The following FBXO36 variants were observed in gnomAD, a reference collection of about 807,000 sequenced individuals.
FBXO36 encodes the protein F-box only protein 36.
Under a neutral mutation model 17.0 loss-of-function variants are expected in FBXO36, and 18 were observed. The observed-to-expected ratio is 1.06, with a 90% CI of 0.73 to 1.57. The LOEUF is 1.57. Among genes scored for constraint, FBXO36 ranks in the 40% most tolerant of loss-of-function variants. The pLI, the probability that FBXO36 is intolerant of heterozygous loss-of-function variation, is 0.00. For synonymous variants in FBXO36, 83 were observed against 85.3 expected, an observed-to-expected ratio of 0.97 and a Z score of 0.15; for missense variants, 229 against 221.9, an observed-to-expected ratio of 1.03 and a Z score of -0.20.
rs149438648 is a variant in FBXO36, at chr2:230,010,743, C to A, written c.426C>A (p.Cys142Ter). The A allele has an allele frequency of 6.2e-7, 1 of 1,613,652 alleles. No individual in the cohort carries two copies. The change falls in exon 4 of 4, where the codon TGC becomes TGA. Residue 142 changes from cysteine (C) to a stop codon, truncating the protein, a stop_gained. Coordinates refer to ENST00000283946, the MANE Select transcript of FBXO36 (RefSeq NM_174899.5). LOFTEE classifies it low-confidence loss of function (END_TRUNC). ...KLWEQIVQST[C>*]DTITPDVRAL... ...GGGAACAGATAGTCCAGTCGACCTG[C>A]GACACCATCACTCCTGACGTGAGGG... is the stretch of plus-strand genomic sequence containing the variant.
At chr2:229,983,610 G>A (rs979680893) in intron 2 of FBXO36, among the ~76,000 whole-genome samples, 10 of 152,082 alleles carry the variant, frequency 6.6e-5, no homozygotes, top group Non-Finnish European at 1.5e-4. Flanking sequence ...CCTGGCCCAG[G>A]TTTGCATTTT....
chr2:229,923,562 T>C (rs2076856659), intron 1 of FBXO36, among the ~76,000 whole-genome samples: 2 of 152,254 alleles, frequency 1.3e-5, no homozygotes, highest in South Asian at 2.1e-4. Flanking sequence ...ACAAAATAGG[T>C]AATGAGTTAA....
chr2:229,984,471 A>AG (rs373481693), intron 2 of FBXO36, among the ~76,000 whole-genome samples: 114,208 of 149,976 alleles, frequency 0.76, 43,746 homozygotes, highest in East Asian at 0.8. Context: ...GCTCACTGCA[A>AG]CGCCGCTCCC....
chr2:229,985,985 T>C (rs569198331), intron 2 of FBXO36, among the ~76,000 whole-genome samples: 1 of 152,220 alleles, frequency 6.6e-6, no homozygotes, highest in Non-Finnish European at 1.5e-5. Flanking sequence ...AGGTCAAAGC[T>C]GTAGCTAGCC....
intron 1 of FBXO36, among the ~76,000 whole-genome samples, chr2:229,943,734 A>T (rs1252898371): frequency 2.6e-5 from 4 of 152,144 alleles, no homozygotes; most frequent in Non-Finnish European, 4.4e-5. Context: ...TCCATTCCTC[A>T]AAACTCCCTG....
At chr2:229,935,082 A>G (rs2076957459) in intron 1 of FBXO36, among the ~76,000 whole-genome samples, 1 of 152,226 alleles carries the variant, frequency 6.6e-6, no homozygotes, top group Non-Finnish European at 1.5e-5. Context: ...TTAACGTCTT[A>G]ACTTGTGCCT....
chr2:229,987,719 C>G (rs2077276269), intron 2 of FBXO36, among the ~76,000 whole-genome samples: 1 of 152,076 alleles, frequency 6.6e-6, no homozygotes, highest in Non-Finnish European at 1.5e-5. Context: ...CAGCCTTAAC[C>G]TCCTGGGCTT....
intron 1 of FBXO36, among the ~76,000 whole-genome samples, chr2:229,936,041 A>G (rs1001815030): frequency 9.9e-5 from 15 of 152,158 alleles, no homozygotes; most frequent in African/African-American, 3.6e-4. Flanking sequence ...TACAAAAATT[A>G]GCTGGGTGTG....
intron 2 of FBXO36, among the ~76,000 whole-genome samples, chr2:229,982,390 C>T (rs891870546): frequency 6.6e-6 from 1 of 152,098 alleles, no homozygotes; most frequent in Non-Finnish European, 1.5e-5. Flanking sequence ...ATCACTCTCA[C>T]CTTGCCTCCG....
At chr2:230,004,582 C>G (rs1017085341) in intron 3 of FBXO36, among the ~76,000 whole-genome samples, 9 of 152,138 alleles carry the variant, frequency 5.9e-5, no homozygotes, top group Non-Finnish European at 1.3e-4. Context: ...CATGTAGAAC[C>G]ATATGTGTGT....
In FBXO36 at chr2:229,998,516, G is replaced by C. The variant is rs1010407292; in HGVS notation, c.378+1593G>C. On this transcript the variant is annotated intron_variant, in intron 3 of 3. Transcript: ENST00000283946. ...ACATGCCTGTAATCCCAGCTACTAG[G>C]GGGGCTGAGGCAGGAGAATCGCTTG... Among the ~76,000 whole-genome samples the C allele has an allele frequency of 5.3e-5, 8 of 152,226 alleles. No homozygotes were observed. In the East Asian group the frequency reaches 1.2e-3, roughly 22 times the overall value.
chr2:230,007,006 A>G (rs1481471342), intron 3 of FBXO36, among the ~76,000 whole-genome samples: 1 of 152,210 alleles, frequency 6.6e-6, no homozygotes, highest in African/African-American at 2.4e-5. Flanking sequence ...TTCTATGTTG[A>G]CCAAGGCCTG....
At chr2:229,981,784 G>C in intron 2 of FBXO36, among the ~76,000 whole-genome samples, 1 of 151,746 alleles carries the variant, frequency 6.6e-6, no homozygotes, top group Admixed American at 6.6e-5. Flanking sequence ...TGTTGTATTA[G>C]TCTGTTCTCA....
intron 1 of FBXO36, among the ~76,000 whole-genome samples, chr2:229,932,573 G>C: frequency 6.6e-6 from 1 of 151,866 alleles, no homozygotes; most frequent in East Asian, 1.9e-4. Flanking sequence ...AGCTACTCAG[G>C]AGGCTGAAGC....
At chr2:230,010,464 C>T (rs1481824412) in intron 3 of FBXO36, among the ~76,000 whole-genome samples, 2 of 152,100 alleles carry the variant, frequency 1.3e-5, no homozygotes, top group Admixed American at 1.3e-4. Context: ...GGAGGATGTT[C>T]TTTCTACTGC....
At chr2:229,944,552 A>G (rs1331228234) in intron 1 of FBXO36, among the ~76,000 whole-genome samples, 5 of 151,882 alleles carry the variant, frequency 3.3e-5, no homozygotes, top group South Asian at 2.1e-4. Context: ...TAAATTTTCA[A>G]TAGTTAGTGG....
At chr2:229,993,245 T>C (rs2106207739) in intron 2 of FBXO36, among the ~76,000 whole-genome samples, 1 of 152,332 alleles carries the variant, frequency 6.6e-6, no homozygotes, top group East Asian at 1.9e-4. Flanking sequence ...CTAGATCTTT[T>C]TCTTCCAGAC....
chr2:229,956,880 C>T (rs1189646187), intron 1 of FBXO36, among the ~76,000 whole-genome samples: 1 of 152,090 alleles, frequency 6.6e-6, no homozygotes, highest in Non-Finnish European at 1.5e-5. Context: ...CAACAACACC[C>T]CTGGGGTCTC....
chr2:230,003,931 G>A (rs1219191119), intron 3 of FBXO36, among the ~76,000 whole-genome samples: 7 of 152,202 alleles, frequency 4.6e-5, no homozygotes, highest in African/African-American at 1.4e-4. Flanking sequence ...GTCCATGTGA[G>A]CTCAGGGTGG....
Sources: allele counts gnomAD v4.1 joint callset (sites outside exome capture counted in the v4.1 genomes callset), GRCh38; gene constraint gnomAD v4.1.1; transcripts MANE v1.5; gene names NCBI Gene and HGNC (gene_info 2026-07-23, HGNC 2026-07-21).